The following WDR7 variants were observed in gnomAD, a reference collection of about 807,000 sequenced individuals.
WDR7 encodes WD repeat domain 7.
WDR7 carries 46 observed loss-of-function variants against 169.4 expected under a neutral mutation model. That is an observed-to-expected ratio of 0.27 (90% CI 0.21 to 0.35). The LOEUF is 0.35. WDR7 is among the 10% of genes least tolerant of loss of function. WDR7 has a pLI of 1.00. For synonymous variants in WDR7, 612 were observed against 666.8 expected (o/e 0.92, Z 1.27); for missense variants, 1,534 against 1,859.3 (o/e 0.83, Z 3.22).
At chr18:57,024,604 G>A (rs9950639) in intron 27 of WDR7, among the ~76,000 whole-genome samples, 1,045 of 15,906 alleles carry the variant, frequency 0.066, 33 homozygotes, top group African/African-American at 0.11. Flanking sequence ...CTATTCTCAG[G>A]CAGGAATAGG....
chr18:56,776,457 T>G (rs1247346923), intron 16 of WDR7, among the ~76,000 whole-genome samples: 2 of 152,112 alleles, frequency 1.3e-5, no homozygotes, highest in Non-Finnish European at 2.9e-5. Flanking sequence ...TTGAATAACA[T>G]TTTTGCTAAT....
rs377742143 is a variant in WDR7 at position 56,924,073 on chromosome 18, C to T, written c.3678C>T (p.Leu1226=). The T allele has an allele frequency of 2.3e-4, 373 of 1,612,736 alleles. No homozygotes were observed. The highest frequency in any genetic ancestry group is 3.0e-4 in the Non-Finnish European group (357 of 1,179,644). The change falls in exon 22 of 28, where the codon CTC becomes CTT. Residue 1226 remains leucine (L), a synonymous_variant. Transcript: ENST00000254442. The part of the protein sequence containing the change: ...MDVSAVLMGL[L]ELCADAEKQL... The stretch of plus-strand genomic sequence containing the variant: ...TGTCCGCTGTTCTGATGGGGCTTCT[C>T]GAACTTTGTGCCGATGCCGAGAAAC...
At chr18:56,765,266 CTG>C (rs2044043904) in intron 16 of WDR7, among the ~76,000 whole-genome samples, 2 of 151,994 alleles carry the variant, frequency 1.3e-5, no homozygotes, top group African/African-American at 4.8e-5. Flanking sequence ...AGGTTTGAAT[CTG>C]TTATCCTACT....
intron 20 of WDR7, among the ~76,000 whole-genome samples, chr18:56,858,453 CA>C (rs1429165375): frequency 1.3e-5 from 2 of 151,930 alleles, no homozygotes; most frequent in Non-Finnish European, 2.9e-5. Flanking sequence ...AAAACTATTT[CA>C]CATTCTTTTT....
chr18:56,773,734 A>G (rs1415313420), intron 16 of WDR7, among the ~76,000 whole-genome samples: 1 of 152,180 alleles, frequency 6.6e-6, no homozygotes, highest in Non-Finnish European at 1.5e-5. Flanking sequence ...TACCTAAAAC[A>G]TAAAAGTATT....
At chr18:56,969,897 G>GT (rs2047459738) in intron 26 of WDR7, among the ~76,000 whole-genome samples, 1 of 152,176 alleles carries the variant, frequency 6.6e-6, no homozygotes, top group Non-Finnish European at 1.5e-5. Flanking sequence ...AGAGAAGGCA[G>GT]TGTGGTTGCG....
intron 12 of WDR7, among the ~76,000 whole-genome samples, chr18:56,713,361 A>G (rs970762356): frequency 1.3e-5 from 2 of 152,166 alleles, no homozygotes; most frequent in East Asian, 3.8e-4. Flanking sequence ...GTTTATTTAA[A>G]CCTTGAGTCA....
At chr18:56,818,922 ATT>A (rs1477440254) in intron 20 of WDR7, among the ~76,000 whole-genome samples, 4 of 152,148 alleles carry the variant, frequency 2.6e-5, no homozygotes, top group Non-Finnish European at 1.5e-5. Context: ...CATGACAGGT[ATT>A]TGCCTGCATT....
At chr18:56,679,063 A>C (rs115756894) in intron 2 of WDR7, among the ~76,000 whole-genome samples, 164 of 152,288 alleles carry the variant, frequency 1.1e-3, no homozygotes, top group African/African-American at 3.7e-3. Flanking sequence ...GGCCTGTTGT[A>C]ACCACTCCCT....
At chr18:56,946,873 G>A (rs569243383) in intron 25 of WDR7, among the ~76,000 whole-genome samples, 47 of 152,184 alleles carry the variant, frequency 3.1e-4, no homozygotes, top group Admixed American at 7.2e-4. Flanking sequence ...AGTTGTTTAC[G>A]TAGCTATAGA....
At chr18:56,801,828 A>G (rs751370017) in intron 19 of WDR7, among the ~76,000 whole-genome samples, 4 of 152,204 alleles carry the variant, frequency 2.6e-5, no homozygotes, top group Non-Finnish European at 5.9e-5. Flanking sequence ...TGGCTGTACC[A>G]AAGTATATTT....
intron 25 of WDR7, among the ~76,000 whole-genome samples, chr18:56,942,342 G>A (rs1485960039): frequency 1.3e-5 from 2 of 152,072 alleles, no homozygotes; most frequent in Non-Finnish European, 2.9e-5. Flanking sequence ...GGCAACTAGG[G>A]GTCACTTGTT....
At position 56,664,419 on chromosome 18, in the gene WDR7, A is replaced by G. The variant is rs764885652; in HGVS notation, c.-19-8078A>G. ...GTATTTGGATAAAAATGAAATGTAGACATGTTTGAAGGGCAAAGGTCAACT... is the reference window on the plus strand; with the variant it reads ...GTATTTGGATAAAAATGAAATGTAGGCATGTTTGAAGGGCAAAGGTCAACT... On this transcript the variant is annotated intron_variant, in intron 1 of 27. Coordinates refer to ENST00000254442, the MANE Select transcript of WDR7 (RefSeq NM_015285.3). Among the ~76,000 whole-genome samples the G allele has an allele frequency of 5.3e-5, 8 of 152,184 alleles. No individual in the cohort carries two copies. The East Asian group carries it at 7.7e-4, about 15-fold the overall frequency.
At chr18:56,652,224 G>C (rs1468737541) in intron 1 of WDR7, among the ~76,000 whole-genome samples, 1 of 152,156 alleles carries the variant, frequency 6.6e-6, no homozygotes, top group African/African-American at 2.4e-5. Flanking sequence ...GGCAGAATTT[G>C]CTGGGTTAGA....
At chr18:56,987,197 T>A (rs1430578832) in intron 26 of WDR7, among the ~76,000 whole-genome samples, 4 of 146,666 alleles carry the variant, frequency 2.7e-5, no homozygotes, top group Non-Finnish European at 5.9e-5. Context: ...CTTTGGACAT[T>A]CAGAACCACT....
chr18:56,909,630 C>T (rs2046526654), intron 21 of WDR7, among the ~76,000 whole-genome samples: 1 of 151,810 alleles, frequency 6.6e-6, no homozygotes, highest in Non-Finnish European at 1.5e-5. Flanking sequence ...GAAGTGAATA[C>T]CGTATTATGT....
chr18:56,861,520 ACT>A (rs1291022396), intron 20 of WDR7, among the ~76,000 whole-genome samples: 1 of 152,078 alleles, frequency 6.6e-6, no homozygotes, highest in African/African-American at 2.4e-5. Flanking sequence ...CACCAGGTTA[ACT>A]CTCTCTGGAG....
intron 2 of WDR7, among the ~76,000 whole-genome samples, chr18:56,676,708 G>GT (rs1188913284): frequency 2.0e-5 from 3 of 149,198 alleles, no homozygotes; most frequent in Admixed American, 6.7e-5. Context: ...TTTTTTTTTT[G>GT]TTTTTTTGGT....
chr18:56,908,936 G>A (rs1335018096), intron 21 of WDR7, among the ~76,000 whole-genome samples: 3 of 152,118 alleles, frequency 2.0e-5, no homozygotes, highest in Non-Finnish European at 2.9e-5. Context: ...TCAAGTCTAA[G>A]TATAATTTCC....
Sources: gnomAD v4.1 joint callset for allele counts (sites outside exome capture counted in the v4.1 genomes callset) on GRCh38, gnomAD v4.1.1 for gene constraint, MANE v1.5 for transcripts, NCBI Gene and HGNC (gene_info 2026-07-23, HGNC 2026-07-21) for gene names.